STPG2: variants seen among roughly 807,000 people sequenced by gnomAD.
STPG2 encodes the protein sperm tail PG-rich repeat containing 2.
In STPG2, 56 loss-of-function variants were observed where a neutral mutation model predicts 54.2. The ratio of observed to expected loss-of-function variants is 1.03; its 90% confidence interval spans 0.83 to 1.29. The LOEUF (loss-of-function observed/expected upper bound fraction) is 1.29. Among genes scored for constraint, STPG2 ranks in the 50% most tolerant of loss-of-function variants. The pLI, the probability that STPG2 is intolerant of heterozygous loss-of-function variation, is 0.00. For synonymous variants in STPG2, 200 were observed against 181.8 expected (o/e 1.10, Z -0.81); for missense variants, 596 against 544.9 (o/e 1.09, Z -0.93).
intron 5 of STPG2, among the ~76,000 whole-genome samples, chr4:98,000,685 A>G (rs1578769377): frequency 6.6e-6 from 1 of 152,198 alleles, no homozygotes; most frequent in East Asian, 1.9e-4. Flanking sequence ...TAAACATGGT[A>G]AGGAAAACTC....
chr4:98,110,331 T>C (rs6841210), intron 3 of STPG2, among the ~76,000 whole-genome samples: 1 of 152,098 alleles, frequency 6.6e-6, no homozygotes, highest in Non-Finnish European at 1.5e-5. Context: ...AGATAACATC[T>C]CAGGAGTTGC....
rs556549126 is a variant in STPG2, at chr4:97,488,248, T to A, written c.462+224451A>T. Among the ~76,000 whole-genome samples the A allele has an allele frequency of 3.3e-5, 5 of 151,814 alleles. No homozygotes were observed. In the East Asian group the frequency reaches 7.8e-4, roughly 24 times the overall value. ...CTTAAGAGAAAAATCAAGTAATGAA[T>A]GTATAATAATAACAATAACAAAGTA... is the stretch of plus-strand genomic sequence containing the variant. On this transcript the variant is annotated intron_variant, in intron 4 of 4. Transcript: ENST00000522676.
At chr4:97,694,309 C>A (rs1723488459) in intron 10 of STPG2, among the ~76,000 whole-genome samples, 1 of 151,514 alleles carries the variant, frequency 6.6e-6, no homozygotes, top group Non-Finnish European at 1.5e-5. Flanking sequence ...CAAATAAGCT[C>A]AATTAGAAAT....
At chr4:97,679,441 T>A (rs1315173338) in intron 10 of STPG2, among the ~76,000 whole-genome samples, 1 of 152,130 alleles carries the variant, frequency 6.6e-6, no homozygotes, top group African/African-American at 2.4e-5. Context: ...GAAGTGTCTG[T>A]TCATGTCCTT....
At chr4:97,900,618 T>C (rs1472108593) in intron 8 of STPG2, among the ~76,000 whole-genome samples, 1 of 152,096 alleles carries the variant, frequency 6.6e-6, no homozygotes. Context: ...TCATGTCTTT[T>C]GCAGAAACAT....
At chr4:98,093,463 C>A (rs934581867) in intron 5 of STPG2, among the ~76,000 whole-genome samples, 2 of 152,042 alleles carry the variant, frequency 1.3e-5, no homozygotes, top group Non-Finnish European at 2.9e-5. Context: ...ATGCTTAAAT[C>A]CAAAGATACT....
intron 8 of STPG2, among the ~76,000 whole-genome samples, chr4:97,870,388 A>G (rs1729943552): frequency 6.6e-6 from 1 of 151,554 alleles, no homozygotes; most frequent in South Asian, 2.1e-4. Flanking sequence ...TAACAAAATA[A>G]TAAAATACAT....
intron 4 of STPG2, among the ~76,000 whole-genome samples, chr4:97,534,903 T>C (rs998416560): frequency 7.2e-5 from 11 of 152,214 alleles, no homozygotes; most frequent in African/African-American, 2.4e-4. Context: ...CTTATTTCAT[T>C]TACCATAGTT....
intron 9 of STPG2, among the ~76,000 whole-genome samples, chr4:97,765,791 T>C (rs373855726): frequency 6.6e-6 from 1 of 152,156 alleles, no homozygotes; most frequent in Non-Finnish European, 1.5e-5. Flanking sequence ...ATATTAGGAA[T>C]AGTTGAAGGA....
chr4:97,969,505 C>T (rs1454100726), intron 7 of STPG2, among the ~76,000 whole-genome samples: 2 of 152,112 alleles, frequency 1.3e-5, no homozygotes, highest in African/African-American at 4.8e-5. Flanking sequence ...CCCCCCTGGA[C>T]CCAGCTTTCA....
intron 10 of STPG2, among the ~76,000 whole-genome samples, chr4:97,580,285 C>T: frequency 6.6e-6 from 1 of 151,900 alleles, no homozygotes; most frequent in South Asian, 2.1e-4. Context: ...AGGTGACATA[C>T]ACATATAATT....
chr4:98,083,983 A>C (rs1440858864), intron 5 of STPG2, among the ~76,000 whole-genome samples: 7 of 152,024 alleles, frequency 4.6e-5, no homozygotes, highest in Non-Finnish European at 1.0e-4. Flanking sequence ...TCTCCCAAGC[A>C]GCTGAGACTA....
intron 4 of STPG2, among the ~76,000 whole-genome samples, chr4:97,479,934 T>C (rs180931115): frequency 3.5e-4 from 53 of 151,936 alleles, no homozygotes; most frequent in Admixed American, 1.8e-3. Context: ...TTGCTGAAAC[T>C]ATAATTCTGT....
At chr4:97,793,368 TATAC>T (rs1727064215) in intron 9 of STPG2, among the ~76,000 whole-genome samples, 1 of 136,120 alleles carries the variant, frequency 7.3e-6, no homozygotes, top group Non-Finnish European at 1.6e-5. Flanking sequence ...GAGTTTTATA[TATAC>T]ACACACACAC....
At chr4:98,076,280 C>T (rs1025951035) in intron 5 of STPG2, among the ~76,000 whole-genome samples, 1 of 150,860 alleles carries the variant, frequency 6.6e-6, no homozygotes, top group African/African-American at 2.4e-5. Context: ...GAGTAGTGAA[C>T]CATCCACGTA....
intron 9 of STPG2, among the ~76,000 whole-genome samples, chr4:97,739,094 A>C (rs1212609035): frequency 6.6e-6 from 1 of 152,160 alleles, no homozygotes; most frequent in Non-Finnish European, 1.5e-5. Context: ...GAAACTGAAC[A>C]ACCTGCTCCT....
intron 8 of STPG2, among the ~76,000 whole-genome samples, chr4:97,907,574 A>T (rs1224235386): frequency 1.3e-5 from 2 of 152,068 alleles, no homozygotes; most frequent in Non-Finnish European, 2.9e-5. Context: ...ATCCTAAGCC[A>T]AAAGAACAAA....
intron 4 of STPG2, among the ~76,000 whole-genome samples, chr4:97,485,511 A>T (rs1730331701): frequency 6.6e-6 from 1 of 151,772 alleles, no homozygotes; most frequent in African/African-American, 2.4e-5. Flanking sequence ...GAGGCAAAAG[A>T]CCTCTACAAT....
chr4:98,019,511 G>C (rs1305829989), intron 5 of STPG2, among the ~76,000 whole-genome samples: 2 of 151,764 alleles, frequency 1.3e-5, no homozygotes, highest in Non-Finnish European at 2.9e-5. Flanking sequence ...CTCTTTTTTG[G>C]TTCCATATGA....
Sources: allele counts gnomAD v4.1 joint callset (sites outside exome capture counted in the v4.1 genomes callset), GRCh38; gene constraint gnomAD v4.1.1; transcripts MANE v1.5; gene names NCBI Gene and HGNC (gene_info 2026-07-23, HGNC 2026-07-21).